The following ABCC5 variants were observed in gnomAD, a reference collection of about 807,000 sequenced individuals.
The protein encoded by ABCC5 is ATP binding cassette subfamily C member 5.
In ABCC5, 61 loss-of-function variants were observed where a neutral mutation model predicts 160.9. The observed-to-expected ratio is 0.38, with a 90% CI of 0.31 to 0.47. The LOEUF (loss-of-function observed/expected upper bound fraction) is 0.47, where lower values mean the gene tolerates loss of function less well. ABCC5 is among the 20% of genes least tolerant of loss of function. The pLI, the probability that ABCC5 is intolerant of heterozygous loss-of-function variation, is 0.99. For synonymous variants in ABCC5, 666 were observed against 700.6 expected, an observed-to-expected ratio of 0.95 and a Z score of 0.78; for missense variants, 1,308 against 1,813.3, an observed-to-expected ratio of 0.72 and a Z score of 5.06.
chr3:183,974,900 G>A (rs1276890994), intron 10 of ABCC5, among the ~76,000 whole-genome samples: 2 of 152,140 alleles, frequency 1.3e-5, no homozygotes, highest in East Asian at 3.9e-4. Context: ...ATAGAGAAAA[G>A]ACTATACTTG....
rs1560466317 is a variant in ABCC5 at position 183,927,445 on chromosome 3, T to C, written c.3934-2A>G. On this transcript the variant is annotated splice_acceptor_variant, in intron 27 of 29. Transcript: ENST00000334444. LOFTEE classifies it high-confidence loss of function. The stretch of plus-strand genomic sequence containing the variant: ...AAGTTTCAGAGGTAGCTGAGCAATC[T>C]AGGGAGAAAGAAACTAGAGATCAGA... 1.2e-6 allele frequency: 2 copies of C among 1,610,658 alleles called. No individual in the cohort carries two copies. Among genetic ancestry groups the C allele is most frequent in the East Asian group, 2.2e-5 (1 of 44,780 alleles).
Position 183,951,434 on chromosome 3 carries a change from G to A in ABCC5, c.2944+7C>T. 4 of 1,613,874 alleles carry A rather than the reference G, an allele frequency of 2.5e-6. No homozygotes were observed. The highest frequency in any genetic ancestry group is 2.5e-6 in the Non-Finnish European group (3 of 1,179,940). On this transcript the variant is annotated splice_region_variant and intron_variant, in intron 20 of 29. Transcript: ENST00000334444. The surrounding 1 kb of genome is among the most constrained non-coding windows in gnomAD (Gnocchi z 4.7). ...AGAGTATTAAAAAAAGGCTCAGTGA[G>A]AAATACCTTCATCCATGTCTTTGGA...
chr3:183,925,532 A>G (rs1479403598), intron 29 of ABCC5, 23 bp downstream of exon 29: 13 of 1,609,248 alleles, frequency 8.1e-6, no homozygotes, highest in African/African-American at 1.3e-5. Context: ...ATGCCAAGCC[A>G]AAGTTCCTGA....
intron 11 of ABCC5, among the ~76,000 whole-genome samples, chr3:183,970,396 A>C (rs1459076962): frequency 2.0e-5 from 3 of 150,248 alleles, no homozygotes; most frequent in Non-Finnish European, 4.4e-5. Context: ...TCAAGTTGTA[A>C]CCACACCTGC....
chr3:183,962,462 C>T (rs996492475), intron 15 of ABCC5, among the ~76,000 whole-genome samples: 2 of 151,806 alleles, frequency 1.3e-5, no homozygotes, highest in African/African-American at 4.8e-5. Flanking sequence ...GTGGTGCCAA[C>T]ACTGAGAACC....
At position 183,965,266 on chromosome 3, in the gene ABCC5, C is replaced by T. The variant is rs1717110205; in HGVS notation, c.1959-9G>A. The T allele has an allele frequency of 1.2e-6, 2 of 1,614,104 alleles. No homozygotes were observed. Among genetic ancestry groups the T allele is most frequent in the South Asian group, 2.2e-5 (2 of 91,092 alleles). On this transcript the variant is annotated splice_polypyrimidine_tract_variant and intron_variant, in intron 13 of 29. Transcript: ENST00000334444. ...TCAGCACAGAGTTGTATCTGGAGGA[C>T]ACAAAGAGACAGCGTCAGGGACACG...
intron 26 of ABCC5, among the ~76,000 whole-genome samples, chr3:183,936,258 C>T: frequency 6.6e-6 from 1 of 152,014 alleles, no homozygotes; most frequent in Non-Finnish European, 1.5e-5. Flanking sequence ...CAGCAGACAC[C>T]CATCCCCGGC....
chr3:183,951,983 CCCT>C lies in ABCC5; in HGVS notation c.2685_2687del (p.Gly896del), dbSNP rs778168161. The C allele has an allele frequency of 1.9e-6, 3 of 1,611,962 alleles. No homozygotes were observed. The Admixed American group carries it at 5.0e-5, about 27-fold the overall frequency. ...TGCTGTCACTCACCGAGGTCTCGTT[CCCT>C]CGAGTCACAGTGGTGTTCTGTTTGA... On this transcript the variant is annotated inframe_deletion, in exon 19 of 30. Coordinates refer to ENST00000334444, the MANE Select transcript of ABCC5 (RefSeq NM_005688.4). This position sits in a 1 kb window ranked among gnomAD's most constrained non-coding sequence, Gnocchi z 4.7.
At chr3:183,974,942 AAAAG>A (rs1439481513) in intron 10 of ABCC5, among the ~76,000 whole-genome samples, 2 of 152,240 alleles carry the variant, frequency 1.3e-5, no homozygotes, top group East Asian at 1.9e-4. Flanking sequence ...TCCAATTTAA[AAAAG>A]AAAGAAAGAA....
At chr3:183,965,163 G>A (rs1369918368) in intron 14 of ABCC5, 22 bp downstream of exon 14, 1 of 1,613,146 alleles carries the variant, frequency 6.2e-7, no homozygotes, top group Non-Finnish European at 8.5e-7. Context: ...TAAATGCCTG[G>A]TCAGGGGCGG....
intron 5 of ABCC5, chr3:183,984,882 C>T: frequency 6.3e-7 from 1 of 1,577,946 alleles, no homozygotes; most frequent in Non-Finnish European, 8.5e-7. Context: ...ATGGAGCAGT[C>T]TCCAAAGGAA....
intron 25 of ABCC5, chr3:183,942,415 GC>G (rs1560479855): frequency 1.9e-6 from 1 of 532,292 alleles, no homozygotes; most frequent in East Asian, 4.9e-5. Flanking sequence ...ACTAGAGGAA[GC>G]CTAACAAGAT....
intron 26 of ABCC5, among the ~76,000 whole-genome samples, chr3:183,937,338 C>T (rs1713833559): frequency 6.6e-6 from 1 of 152,198 alleles, no homozygotes; most frequent in Non-Finnish European, 1.5e-5. Flanking sequence ...GATCGTGCCA[C>T]TGCACTTCAG....
In ABCC5 at chr3:183,921,039, C is replaced by G. The variant is rs925210699; in HGVS notation, c.*261G>C. On this transcript the variant is annotated 3_prime_UTR_variant, in exon 30 of 30. Transcript: ENST00000334444. The surrounding 1 kb of genome is among the most constrained non-coding windows in gnomAD (Gnocchi z 4.1). ...AAAGCTTCATTATAGGCCTCTGATACAATTATAATAACGGTTCCCTGAACC... is the reference window on the plus strand; with the variant it reads ...AAAGCTTCATTATAGGCCTCTGATAGAATTATAATAACGGTTCCCTGAACC... 7 of 331,754 alleles carry G rather than the reference C, an allele frequency of 2.1e-5. No individual in the cohort carries two copies. The Admixed American group carries it at 2.4e-4, about 11-fold the overall frequency. 20.6% of individuals were successfully genotyped at this position (331,754 alleles called of 1,614,324 possible).
chr3:184,001,083 T>C, intron 2 of ABCC5: 1 of 407,814 alleles, frequency 2.5e-6, no homozygotes, highest in South Asian at 1.0e-4. Context: ...CAAAACCCCA[T>C]CACTATAAAA....
Position 183,937,241 on chromosome 3 carries a change from G to C in ABCC5, c.3854+660C>G, listed in dbSNP as rs369002023. 9.2e-5 allele frequency among the ~76,000 whole-genome samples: 14 copies of C among 152,292 alleles called. 1 individual carries two copies. The highest frequency in any genetic ancestry group is 3.4e-4 in the African/African-American group (14 of 41,558). ...AAAATACAAAAATTAGCTGGGCCTG[G>C]GGGAGGGCGCCTGTAATCCCAGCTA... On this transcript the variant is annotated intron_variant, in intron 26 of 29. Transcript: ENST00000334444.
intron 26 of ABCC5, among the ~76,000 whole-genome samples, chr3:183,929,219 G>C (rs1712927732): frequency 6.6e-6 from 1 of 152,036 alleles, no homozygotes; most frequent in Admixed American, 6.6e-5. Flanking sequence ...GATTACTTGA[G>C]GTCAGGAGTT....
At chr3:183,936,042 C>A (rs1713680645) in intron 26 of ABCC5, among the ~76,000 whole-genome samples, 1 of 152,060 alleles carries the variant, frequency 6.6e-6, no homozygotes, top group Non-Finnish European at 1.5e-5. Context: ...AAACACTGAC[C>A]CCAATGTGAT....
In ABCC5 at chr3:183,959,846, TTA is replaced by T; in HGVS notation, c.2380-13_2380-12del. The T allele has an allele frequency of 6.4e-7, 1 of 1,565,876 alleles. No homozygotes were observed. Among genetic ancestry groups the T allele is most frequent in the Non-Finnish European group, 8.7e-7 (1 of 1,152,720 alleles). ...CTTTTTTGAATTGATCTAATAATAT[TTA>T]AAAAAAAAAGTCTCCAGTCATGTTA... On this transcript the variant is annotated splice_polypyrimidine_tract_variant and intron_variant, in intron 16 of 29. Transcript: ENST00000334444.
Sources: gnomAD v4.1 joint callset for allele counts (sites outside exome capture counted in the v4.1 genomes callset) on GRCh38, gnomAD v4.1.1 for gene constraint, Gnocchi (gnomAD v3.1) non-coding constraint, MANE v1.5 for transcripts, NCBI Gene and HGNC (gene_info 2026-07-23, HGNC 2026-07-21) for gene names.